Variants in TAOK3 observed in about 807,000 individuals in gnomAD.
TAOK3 encodes the protein serine/threonine-protein kinase TAO3.
A neutral mutation model predicts 120.4 loss-of-function variants in TAOK3; 40 were observed. That is an observed-to-expected ratio of 0.33 (90% CI 0.26 to 0.43). The LOEUF (loss-of-function observed/expected upper bound fraction) is 0.43. Ranked by LOEUF, TAOK3 falls within the 20% of genes least tolerant of loss-of-function variation. The probability of loss-of-function intolerance (pLI) is 1.00; values close to 1 mark genes in which losing one functional copy is unlikely to be tolerated. For missense variants in TAOK3, 821 were observed against 1,112.1 expected (o/e 0.74, Z 3.72); for synonymous variants, 355 against 387.5 (o/e 0.92, Z 0.99).
chr12:118,247,590 C>T (rs1376970932), intron 3 of TAOK3, among the ~76,000 whole-genome samples: 1 of 152,102 alleles, frequency 6.6e-6, no homozygotes, highest in Non-Finnish European at 1.5e-5. Context: ...TCTCAGCTCA[C>T]TGCAACCTCT....
At chr12:118,267,317 G>A (rs1472465491) in intron 1 of TAOK3, among the ~76,000 whole-genome samples, 1 of 151,766 alleles carries the variant, frequency 6.6e-6, no homozygotes, top group Non-Finnish European at 1.5e-5. Flanking sequence ...CCAGGTTCAA[G>A]CAATTCTCCT....
Position 118,201,263 on chromosome 12 carries a change from C to T in TAOK3, c.987+33G>A, listed in dbSNP as rs766008396. 5 of 1,591,894 alleles carry T rather than the reference C, an allele frequency of 3.1e-6. No homozygotes were observed. In the African/African-American group the frequency reaches 4.0e-5, roughly 13 times the overall value. ...AGAACTTTTTCACATAGTGGGCATTCTATAAGTGCCTGCTAAAATAAATTG... is the reference window on the plus strand; with the variant it reads ...AGAACTTTTTCACATAGTGGGCATTTTATAAGTGCCTGCTAAAATAAATTG... On this transcript the variant is annotated intron_variant, in intron 12 of 20. Transcript: ENST00000392533.
At chr12:118,330,966 C>A (rs2044124459) in intron 1 of TAOK3, among the ~76,000 whole-genome samples, 1 of 152,106 alleles carries the variant, frequency 6.6e-6, no homozygotes. Context: ...CTCATCTATG[C>A]CCAACTGCCA....
At chr12:118,151,260 A>C in intron 20 of TAOK3, 102 bp from the exon 21 acceptor site, 1 of 1,219,590 alleles carries the variant, frequency 8.2e-7, no homozygotes, top group Non-Finnish European at 1.2e-6. Flanking sequence ...GCACACACAC[A>C]TAGGCACACA....
chr12:118,223,717 C>T, intron 9 of TAOK3, among the ~76,000 whole-genome samples: 1 of 150,290 alleles, frequency 6.7e-6, no homozygotes, highest in South Asian at 2.1e-4. Context: ...AATCTTGGCT[C>T]ACTGCAACCT....
intron 1 of TAOK3, among the ~76,000 whole-genome samples, chr12:118,337,780 A>G (rs2044427156): frequency 6.6e-6 from 1 of 152,204 alleles, no homozygotes; most frequent in South Asian, 2.1e-4. Context: ...GGGGGATGGG[A>G]GGGAAGTAGC....
chr12:118,239,120 T>G (rs2040137189), intron 6 of TAOK3, 107 bp downstream of exon 6: 1 of 732,906 alleles, frequency 1.4e-6, no homozygotes, highest in African/African-American at 1.8e-5. Context: ...ACCCTAAAGC[T>G]CAAGCCATCA....
intron 1 of TAOK3, among the ~76,000 whole-genome samples, chr12:118,299,139 G>C (rs2042784124): frequency 6.6e-6 from 1 of 152,052 alleles, no homozygotes; most frequent in Non-Finnish European, 1.5e-5. Flanking sequence ...AGACCAGGTA[G>C]TAAAAAATAC....
At chr12:118,252,695 C>T (rs2040807544) in intron 3 of TAOK3, among the ~76,000 whole-genome samples, 1 of 151,408 alleles carries the variant, frequency 6.6e-6, no homozygotes. Context: ...GGAGTGTTAA[C>T]TAAGAAATTA....
At chr12:118,174,993 A>C (rs1444269631) in intron 16 of TAOK3, among the ~76,000 whole-genome samples, 2 of 152,254 alleles carry the variant, frequency 1.3e-5, no homozygotes, top group Middle Eastern at 3.4e-3. Flanking sequence ...GAAAAACCTC[A>C]AAATTTCTTA....
At chr12:118,366,703 T>C (rs986110627) in intron 1 of TAOK3, among the ~76,000 whole-genome samples, 1 of 152,184 alleles carries the variant, frequency 6.6e-6, no homozygotes, top group Non-Finnish European at 1.5e-5. Flanking sequence ...CCCAGAACAC[T>C]AGACTCCAGC....
chr12:118,341,140 C>T (rs2044601279), intron 1 of TAOK3, among the ~76,000 whole-genome samples: 1 of 151,936 alleles, frequency 6.6e-6, no homozygotes. Context: ...GCTGGGAGTA[C>T]AGGCACCTGC....
At chr12:118,331,011 A>G (rs756696087) in intron 1 of TAOK3, among the ~76,000 whole-genome samples, 5 of 152,200 alleles carry the variant, frequency 3.3e-5, no homozygotes, top group African/African-American at 4.8e-5. Context: ...ACAAAACTCT[A>G]GATTATGGCA....
At chr12:118,230,527 A>AGTG (rs2039725547) in intron 9 of TAOK3, among the ~76,000 whole-genome samples, 1 of 118,508 alleles carries the variant, frequency 8.4e-6, no homozygotes, top group African/African-American at 3.4e-5. Flanking sequence ...GCTGGAGTGC[A>AGTG]GTGGTGCGAT....
chr12:118,303,909 A>T lies in TAOK3; in HGVS notation c.-193-37150T>A, dbSNP rs411828. On this transcript the variant is annotated intron_variant, in intron 1 of 20. Transcript: ENST00000392533. Reference sequence around the variant, plus strand: ...GTGATCCACCTGCCTTGGCCTCCCAAAGTGTTGGGATTACAGGCGTGAGCC... The same window carrying T: ...GTGATCCACCTGCCTTGGCCTCCCATAGTGTTGGGATTACAGGCGTGAGCC... 2.0e-5 allele frequency among the ~76,000 whole-genome samples: 3 copies of T among 151,994 alleles called. No individual in the cohort carries two copies. The East Asian group carries it at 5.8e-4, about 29-fold the overall frequency.
At chr12:118,252,014 G>A (rs900500248) in intron 3 of TAOK3, among the ~76,000 whole-genome samples, 1 of 151,952 alleles carries the variant, frequency 6.6e-6, no homozygotes, top group Non-Finnish European at 1.5e-5. Context: ...GTAGAGATGG[G>A]GTTTCACCAT....
intron 1 of TAOK3, among the ~76,000 whole-genome samples, chr12:118,342,486 C>A (rs925048542): frequency 2.0e-5 from 3 of 152,166 alleles, no homozygotes; most frequent in Non-Finnish European, 1.5e-5. Flanking sequence ...AACGTGTCAT[C>A]CACAGAAGCA....
At chr12:118,366,509 A>C (rs952281373) in intron 1 of TAOK3, among the ~76,000 whole-genome samples, 2 of 152,350 alleles carry the variant, frequency 1.3e-5, no homozygotes, top group African/African-American at 4.8e-5. Context: ...TATACTGCAC[A>C]GAGTCCCTGT....
At position 118,249,640 on chromosome 12, in the gene TAOK3, T is replaced by C. The variant is rs534381312; in HGVS notation, c.121-4675A>G. 3.4e-5 allele frequency among the ~76,000 whole-genome samples: 5 copies of C among 148,624 alleles called. 1 individual carries two copies. Among genetic ancestry groups the C allele is most frequent in the Non-Finnish European group, 5.9e-5 (4 of 67,510 alleles). On this transcript the variant is annotated intron_variant, in intron 3 of 20. Coordinates refer to ENST00000392533, the MANE Select transcript of TAOK3 (RefSeq NM_016281.4). ...GAGTTTGGAACCAGCCTGGGCAACA[T>C]AGCAAAACCCTGTATCTACAAAAAA... is the stretch of plus-strand genomic sequence containing the variant.
Sources: allele counts gnomAD v4.1 joint callset (sites outside exome capture counted in the v4.1 genomes callset), GRCh38; gene constraint gnomAD v4.1.1; transcripts MANE v1.5; gene names NCBI Gene and HGNC (gene_info 2026-07-23, HGNC 2026-07-21).